The following MID1 variants were observed in gnomAD, a reference collection of about 807,000 sequenced individuals.
MID1 encodes the protein E3 ubiquitin-protein ligase Midline-1.
MID1 carries 7 observed loss-of-function variants against 40.4 expected under a neutral mutation model. That is an observed-to-expected ratio of 0.17 (90% CI 0.10 to 0.33). The LOEUF (loss-of-function observed/expected upper bound fraction) is 0.33. Among genes scored for constraint, MID1 ranks in the 10% least tolerant of loss-of-function variants. The pLI, the probability that MID1 is intolerant of heterozygous loss-of-function variation, is 1.00. For missense variants in MID1, 367 were observed against 558.5 expected (o/e 0.66, Z 3.46); for synonymous variants, 229 against 221.2 (o/e 1.04, Z -0.31).
intron 1 of MID1, among the ~76,000 whole-genome samples, chrX:10,631,938 T>A (rs759993094): frequency 9.0e-6 from 1 of 111,682 alleles, no homozygotes; most frequent in South Asian, 3.8e-4. Flanking sequence ...TCTAAGTAGC[T>A]CCAGGGCAGG....
intron 2 of MID1, among the ~76,000 whole-genome samples, chrX:10,562,012 C>A (rs1366631770): frequency 2.8e-5 from 3 of 106,933 alleles, no homozygotes; most frequent in Non-Finnish European, 5.7e-5. Context: ...AAATGTGGCA[C>A]ATATACACCA....
chrX:10,728,532 T>C lies in MID1; in HGVS notation c.-187+105022A>G, dbSNP rs371747362. Among the ~76,000 whole-genome samples, 7 of 112,536 alleles carry C rather than the reference T, an allele frequency of 6.2e-5. No homozygotes were observed. The South Asian group carries it at 1.5e-3, about 24-fold the overall frequency. On this transcript the variant is annotated intron_variant, in intron 1 of 10. Transcript: ENST00000380785. ...ATAATGTTTGCTTCTATTATATTAA[T>C]AGGCTACTTTTTTAAAACTACTAAG...
At chrX:10,582,906 C>T (rs961497987) in intron 1 of MID1, 1 of 111,842 alleles carries the variant, frequency 8.9e-6, no homozygotes, top group African/African-American at 3.2e-5. Flanking sequence ...ATTCATGAAG[C>T]ATTCTATAAT....
At chrX:10,528,156 C>G (rs756763035) in intron 2 of MID1, among the ~76,000 whole-genome samples, 1 of 110,904 alleles carries the variant, frequency 9.0e-6, no homozygotes, top group South Asian at 3.9e-4. Flanking sequence ...TCAGCAGTAT[C>G]AATAGAAACC....
intron 1 of MID1, among the ~76,000 whole-genome samples, chrX:10,693,873 A>G (rs766622835): frequency 9.8e-5 from 11 of 112,263 alleles, no homozygotes; most frequent in Admixed American, 1.9e-4. Context: ...TTGCGAGGAC[A>G]GTGAAGTGAA....
At chrX:10,530,575 T>C (rs1161745456) in intron 2 of MID1, among the ~76,000 whole-genome samples, 1 of 112,436 alleles carries the variant, frequency 8.9e-6, no homozygotes, top group East Asian at 2.8e-4. Context: ...AATGCACACA[T>C]TTTGGATGCA....
intron 1 of MID1, among the ~76,000 whole-genome samples, chrX:10,667,186 T>C (rs949724656): frequency 5.4e-5 from 6 of 111,566 alleles, no homozygotes; most frequent in African/African-American, 2.0e-4. Context: ...ATGTCCTCCC[T>C]GGCACACCAC....
chrX:10,523,124 C>T lies in MID1; in HGVS notation c.724G>A (p.Ala242Thr). 1 of 1,205,631 alleles carries T rather than the reference C, an allele frequency of 8.3e-7. No homozygotes were observed. ...KRNTELETLL[A>T]KLIQTCQHVE... ...TGTTGACAGGTTTGGATGAGTTTAGCCAAAAGGGTCTCCAGTTCTGTGTTC... is the reference window on the plus strand; with the variant it reads ...TGTTGACAGGTTTGGATGAGTTTAGTCAAAAGGGTCTCCAGTTCTGTGTTC... The change falls in exon 3 of 10, where the codon GCT becomes ACT. Residue 242 changes from alanine (A) to threonine (T), a missense_variant. Physicochemically the swap from Ala to Thr is moderately conservative, Grantham distance 58. Transcript: ENST00000317552.
chrX:10,654,400 G>A (rs934546620), intron 1 of MID1, among the ~76,000 whole-genome samples: 1 of 111,841 alleles, frequency 8.9e-6, no homozygotes, highest in Admixed American at 9.5e-5. Context: ...CCAGGGACCG[G>A]TTTCATGGAA....
chrX:10,678,660 T>C (rs1015482030), intron 1 of MID1, among the ~76,000 whole-genome samples: 2 of 111,836 alleles, frequency 1.8e-5, no homozygotes, highest in Non-Finnish European at 3.8e-5. Context: ...CCCATCTCCT[T>C]CATGTTTAAT....
chrX:10,585,680 A>ACCCCTTAGAAGGG (rs1349348365), intron 1 of MID1, among the ~76,000 whole-genome samples: 3 of 110,967 alleles, frequency 2.7e-5, no homozygotes, highest in African/African-American at 9.9e-5. Context: ...GGTTACACTG[A>ACCCCTTAGAAGGG]CCACTGGTAC....
intron 1 of MID1, among the ~76,000 whole-genome samples, chrX:10,664,552 C>T (rs1412342837): frequency 1.8e-5 from 2 of 112,313 alleles, no homozygotes; most frequent in Admixed American, 9.4e-5. Flanking sequence ...AATAATGCTG[C>T]TATGAACATT....
At chrX:10,561,469 T>C (rs1934336476) in intron 2 of MID1, among the ~76,000 whole-genome samples, 1 of 106,806 alleles carries the variant, frequency 9.4e-6, no homozygotes, top group African/African-American at 3.8e-5. Flanking sequence ...AATCTACCCA[T>C]CTGACAAAGG....
In MID1 at chrX:10,558,214, G is replaced by A. The variant is rs765357659; in HGVS notation, c.660+8674C>T. ...TTCCTGGCTCCCCATTTGGCACCCT[G>A]TGCTCTAGTTAGGATTGTCTAAAAT... On this transcript the variant is annotated intron_variant, in intron 2 of 9. Coordinates refer to ENST00000317552, the MANE Select transcript of MID1 (RefSeq NM_000381.4). 5.4e-5 allele frequency among the ~76,000 whole-genome samples: 6 copies of A among 111,370 alleles called. No individual in the cohort carries two copies. In the Admixed American group the frequency reaches 5.7e-4, roughly 11 times the overall value.
At chrX:10,507,056 T>C (rs1413589971) in intron 3 of MID1, among the ~76,000 whole-genome samples, 14 of 112,126 alleles carry the variant, frequency 1.2e-4, no homozygotes, top group Non-Finnish European at 7.5e-5. Flanking sequence ...TCTGGAACAA[T>C]GGTTTGAGAA....
intron 1 of MID1, among the ~76,000 whole-genome samples, chrX:10,771,945 A>C (rs967489057): frequency 9.0e-6 from 1 of 111,320 alleles, no homozygotes; most frequent in Non-Finnish European, 1.9e-5. Flanking sequence ...GAGATTCCTT[A>C]AAGAACTAAA....
chrX:10,604,166 TA>T (rs921871633), intron 1 of MID1, among the ~76,000 whole-genome samples: 30 of 108,552 alleles, frequency 2.8e-4, no homozygotes, highest in East Asian at 1.1e-3. Context: ...TTATATTCCT[TA>T]AAAAAAAAAT....
intron 8 of MID1, 44 bp downstream of exon 8, chrX:10,459,602 G>C: frequency 8.5e-7 from 1 of 1,179,278 alleles, no homozygotes; most frequent in South Asian, 1.8e-5. Context: ...GCTGAAAGAA[G>C]AGCAGATAAG....
chrX:10,535,267 C>T (rs1246003653), intron 2 of MID1, among the ~76,000 whole-genome samples: 1 of 111,601 alleles, frequency 9.0e-6, no homozygotes, highest in African/African-American at 3.3e-5. Flanking sequence ...CATCCAAGTT[C>T]GAGAACCATT....
Sources: allele counts gnomAD v4.1 joint callset (sites outside exome capture counted in the v4.1 genomes callset), GRCh38; gene constraint gnomAD v4.1.1; transcripts MANE v1.5; gene names NCBI Gene and HGNC (gene_info 2026-07-23, HGNC 2026-07-21).